Variants in ZFR2 observed in about 807,000 individuals in gnomAD.
ZFR2 encodes zinc finger RNA-binding protein 2.
ZFR2 carries 104 observed loss-of-function variants against 105.7 expected under a neutral mutation model. That is an observed-to-expected ratio of 0.98 (90% CI 0.84 to 1.16). ZFR2 has a LOEUF of 1.16. ZFR2 is among the 50% of genes most tolerant of loss of function. The probability of loss-of-function intolerance (pLI) is 0.00; values close to 1 mark genes in which losing one functional copy is unlikely to be tolerated. For synonymous variants in ZFR2, 634 were observed against 597.7 expected, an observed-to-expected ratio of 1.06 and a Z score of -0.89; for missense variants, 1,425 against 1,355.5, an observed-to-expected ratio of 1.05 and a Z score of -0.80.
intron 1 of ZFR2, among the ~76,000 whole-genome samples, chr19:3,849,815 G>T (rs1168972929): frequency 1.3e-5 from 2 of 152,206 alleles, no homozygotes; most frequent in Non-Finnish European, 2.9e-5. Context: ...CTACAGTTTG[G>T]AATCCACTGA....
intron 9 of ZFR2, 142 bp from the exon 10 acceptor site, chr19:3,821,621 T>A: frequency 1.2e-6 from 1 of 843,396 alleles, no homozygotes. Flanking sequence ...TTTTTTTTTT[T>A]TTTTTTTTCG....
chr19:3,854,808 G>A (rs899281160), intron 1 of ZFR2, among the ~76,000 whole-genome samples: 1 of 152,308 alleles, frequency 6.6e-6, no homozygotes. Flanking sequence ...CTGTCACCCT[G>A]GCTAGAGTAC....
chr19:3,813,822 G>A lies in ZFR2; in HGVS notation c.2240C>T (p.Pro747Leu). ...PLMREDPSTD[P>L]GVEEPQADAG... is the part of the protein sequence containing the mutation. Reference sequence around the variant, plus strand: ...TGGAAGGAAGGGCTGGGCCGCACCTGGGTCTGTGGAGGGGTCCTCCCGCAT... The same window carrying A: ...TGGAAGGAAGGGCTGGGCCGCACCTAGGTCTGTGGAGGGGTCCTCCCGCAT... Residue 747 changes from proline to leucine, a missense_variant and splice_region_variant, in exon 14 of 19, where the codon CCA becomes CTA. Physicochemically the swap from Pro to Leu is moderately conservative, Grantham distance 98. Coordinates refer to ENST00000262961, the MANE Select transcript of ZFR2 (RefSeq NM_015174.2). This position sits in a 1 kb window ranked among gnomAD's most constrained non-coding sequence, Gnocchi z 4.4. The A allele has an allele frequency of 1.2e-6, 2 of 1,613,736 alleles. No individual in the cohort carries two copies. The highest frequency in any genetic ancestry group is 1.7e-6 in the Non-Finnish European group (2 of 1,179,834).
At chr19:3,810,343 G>C (rs1443882729) in intron 16 of ZFR2, among the ~76,000 whole-genome samples, 5 of 152,218 alleles carry the variant, frequency 3.3e-5, no homozygotes, top group African/African-American at 1.2e-4. Context: ...GATGGGCTGG[G>C]GGGTGGTGTT....
At chr19:3,829,938 C>A (rs932433539) in intron 5 of ZFR2, among the ~76,000 whole-genome samples, 3 of 152,178 alleles carry the variant, frequency 2.0e-5, no homozygotes, top group Admixed American at 6.5e-5. Context: ...AAGTACTGAC[C>A]CTTTCTGAGC....
intron 1 of ZFR2, among the ~76,000 whole-genome samples, chr19:3,840,057 G>A (rs1354996248): frequency 3.3e-5 from 5 of 151,998 alleles, no homozygotes; most frequent in African/African-American, 9.7e-5. Context: ...TCCAATGCCC[G>A]GCAAACCTTG....
intron 12 of ZFR2, among the ~76,000 whole-genome samples, chr19:3,817,494 G>C (rs1383521613): frequency 6.6e-6 from 1 of 151,302 alleles, no homozygotes; most frequent in Non-Finnish European, 1.5e-5. Context: ...AGGAGATGGA[G>C]GTTGCAGTGA....
chr19:3,860,228 G>C (rs10412030), intron 1 of ZFR2, among the ~76,000 whole-genome samples: 4,002 of 150,798 alleles, frequency 0.027, 171 homozygotes, highest in African/African-American at 0.093. Flanking sequence ...AGAGATGGGG[G>C]GGGTCTCACT....
At chr19:3,836,234 A>G (rs1008575337) in intron 1 of ZFR2, among the ~76,000 whole-genome samples, 2 of 152,038 alleles carry the variant, frequency 1.3e-5, no homozygotes, top group Non-Finnish European at 2.9e-5. Context: ...GTACAGATGC[A>G]TTTTTTTCCC....
At chr19:3,843,856 GA>G (rs1021162963) in intron 1 of ZFR2, among the ~76,000 whole-genome samples, 4 of 151,084 alleles carry the variant, frequency 2.6e-5, no homozygotes, top group Non-Finnish European at 4.4e-5. Context: ...AAGAAAGAAA[GA>G]AAAAAAACAA....
At position 3,810,730 on chromosome 19, in the gene ZFR2, G is replaced by A; in HGVS notation, c.2433+20C>T. ...CTTGGGGGTCCCAGTGGAGGGCCGG[G>A]CCGCCAGGCACTGCCTTACCCAGGC... is the stretch of plus-strand genomic sequence containing the variant. On this transcript the variant is annotated intron_variant, in intron 16 of 18. Transcript: ENST00000262961. 1 of 1,544,202 alleles carries A rather than the reference G, an allele frequency of 6.5e-7. No homozygotes were observed. The highest frequency in any genetic ancestry group is 8.7e-7 in the Non-Finnish European group (1 of 1,143,286).
At position 3,828,874 on chromosome 19, in the gene ZFR2, A is replaced by G. The variant is rs543287843; in HGVS notation, c.853-1221T>C. 3.1e-3 allele frequency among the ~76,000 whole-genome samples: 468 copies of G among 152,140 alleles called. 3 individuals are homozygous for G. The highest frequency in any genetic ancestry group is 0.011 in the African/African-American group (450 of 41,424). On this transcript the variant is annotated intron_variant, in intron 5 of 18. Transcript: ENST00000262961. The stretch of plus-strand genomic sequence containing the variant: ...CCACCGGCTTGGCACACAAGAACTC[A>G]GAGACATTGTCTGGTTTTAGGGAAG...
chr19:3,821,621 T>TA (rs2037894664), intron 9 of ZFR2, 142 bp from the exon 10 acceptor site: 3 of 843,396 alleles, frequency 3.6e-6, no homozygotes, highest in African/African-American at 1.8e-5. Flanking sequence ...TTTTTTTTTT[T>TA]TTTTTTTTCG....
At chr19:3,861,261 C>CA (rs1330826058) in intron 1 of ZFR2, among the ~76,000 whole-genome samples, 5 of 152,080 alleles carry the variant, frequency 3.3e-5, no homozygotes, top group African/African-American at 7.2e-5. Context: ...ACATATCCAC[C>CA]AAAAAAAGAA....
At position 3,831,727 on chromosome 19, in the gene ZFR2, C is replaced by T; in HGVS notation, c.531G>A (p.Glu177=). 1 of 1,601,428 alleles carries T rather than the reference C, an allele frequency of 6.2e-7. No homozygotes were observed. Among genetic ancestry groups the T allele is most frequent in the South Asian group, 1.1e-5 (1 of 88,962 alleles). Reference sequence around the variant, plus strand: ...AGGAGGTCACGATGGAAGCTGACGACTCGGGCTGGACGCCTGTCGCCGTGG... The same window carrying T: ...AGGAGGTCACGATGGAAGCTGACGATTCGGGCTGGACGCCTGTCGCCGTGG... ...TYPTATGVQP[E]SSASIVTSYP... is the part of the protein sequence containing the mutation. The change falls in exon 4 of 19, where the codon GAG becomes GAA. Residue 177 remains glutamate (E), a synonymous_variant. Coordinates refer to ENST00000262961, the MANE Select transcript of ZFR2 (RefSeq NM_015174.2).
chr19:3,829,815 G>A (rs62132981), intron 5 of ZFR2, among the ~76,000 whole-genome samples: 64,488 of 152,056 alleles, frequency 0.42, 14,188 homozygotes, highest in South Asian at 0.59. Context: ...CACCCAGCCA[G>A]TAGGCTGTCT....
intron 1 of ZFR2, among the ~76,000 whole-genome samples, chr19:3,839,536 CAAAAAAAAAAAAAAAAAAAAAAAA>C (rs60712587): frequency 0.012 from 457 of 36,648 alleles, 11 homozygotes; most frequent in African/African-American, 0.034. Context: ...GGGATTCTGT[CAAAAAAAAAAAAAAAAAAAAAAAA>C]AAAAAAAAAA....
intron 1 of ZFR2, among the ~76,000 whole-genome samples, chr19:3,845,266 G>A (rs1320149351): frequency 6.6e-6 from 1 of 152,002 alleles, no homozygotes; most frequent in Non-Finnish European, 1.5e-5. Flanking sequence ...CTCTCCAACT[G>A]CACCCTAGAC....
chr19:3,829,658 G>A (rs1330037887), intron 5 of ZFR2, among the ~76,000 whole-genome samples: 1 of 152,148 alleles, frequency 6.6e-6, no homozygotes, highest in Non-Finnish European at 1.5e-5. Context: ...GACTATAGGT[G>A]CGTACCACCA....
Sources: gnomAD v4.1 joint callset for allele counts (sites outside exome capture counted in the v4.1 genomes callset) on GRCh38, gnomAD v4.1.1 for gene constraint, Gnocchi (gnomAD v3.1) non-coding constraint, MANE v1.5 for transcripts, NCBI Gene and HGNC (gene_info 2026-07-23, HGNC 2026-07-21) for gene names.